FMN1: variants seen among roughly 807,000 people sequenced by gnomAD.
FMN1 encodes the protein formin-1.
In FMN1, 110 loss-of-function variants were observed where a neutral mutation model predicts 132.4. The ratio of observed to expected loss-of-function variants is 0.83; its 90% CI spans 0.71 to 0.97. FMN1 has a LOEUF of 0.97. Ranked by LOEUF, FMN1 falls within the 50% of genes least tolerant of loss-of-function variation. The pLI is 0.00. For missense variants in FMN1, 1,792 were observed against 1,705.3 expected, an observed-to-expected ratio of 1.05 and a Z score of -0.90; for synonymous variants, 722 against 651.7, an observed-to-expected ratio of 1.11 and a Z score of -1.64.
intron 6 of FMN1, among the ~76,000 whole-genome samples, chr15:33,047,777 C>T (rs1000019409): frequency 6.6e-6 from 1 of 152,126 alleles, no homozygotes; most frequent in African/African-American, 2.4e-5. Flanking sequence ...ATCTGTTTTG[C>T]CTTCCAGCTG....
At chr15:32,994,671 C>G (rs2033658973) in intron 7 of FMN1, among the ~76,000 whole-genome samples, 1 of 152,208 alleles carries the variant, frequency 6.6e-6, no homozygotes, top group South Asian at 2.1e-4. Context: ...AGGAAGCACT[C>G]AATCAATACA....
chr15:33,173,645 T>C (rs1308771280), intron 3 of FMN1, among the ~76,000 whole-genome samples: 4 of 152,248 alleles, frequency 2.6e-5, no homozygotes, highest in Non-Finnish European at 4.4e-5. Context: ...CTTCAGGAAA[T>C]AGGCCGGGCA....
chr15:33,111,228 AAAAT>A (rs1484182294), intron 4 of FMN1, among the ~76,000 whole-genome samples: 3 of 152,192 alleles, frequency 2.0e-5, no homozygotes, highest in African/African-American at 7.2e-5. Context: ...GTTAATTTAA[AAAAT>A]AAAAAAACTT....
At chr15:33,143,219 G>GTTAAAATA (rs1964078111) in intron 4 of FMN1, among the ~76,000 whole-genome samples, 1 of 152,060 alleles carries the variant, frequency 6.6e-6, no homozygotes, top group African/African-American at 2.4e-5. Context: ...ATAGTTTCAA[G>GTTAAAATA]GTTAGTTAAA....
At chr15:32,797,202 A>G (rs1432898364) in intron 19 of FMN1, among the ~76,000 whole-genome samples, 1 of 152,240 alleles carries the variant, frequency 6.6e-6, no homozygotes, top group Non-Finnish European at 1.5e-5. Context: ...CAGTTATTTC[A>G]ACAGAAGATC....
At chr15:32,914,559 G>A (rs563143999) in intron 10 of FMN1, among the ~76,000 whole-genome samples, 16 of 152,330 alleles carry the variant, frequency 1.1e-4, no homozygotes, top group African/African-American at 3.4e-4. Context: ...ACAGGAGAGA[G>A]CTGTTGAGCA....
chr15:33,191,598 A>T (rs1368793961), intron 2 of FMN1, among the ~76,000 whole-genome samples: 1 of 152,242 alleles, frequency 6.6e-6, no homozygotes, highest in African/African-American at 2.4e-5. Context: ...ACTTTTAGCC[A>T]GGGAACTTGA....
chr15:33,066,797 G>C (rs2141255186), intron 5 of FMN1: 1 of 1,613,946 alleles, frequency 6.2e-7, no homozygotes, highest in East Asian at 2.2e-5. Context: ...GGGCGACTCA[G>C]GGTCTGCTCC....
chr15:33,059,712 T>G (rs1343551907), intron 6 of FMN1, among the ~76,000 whole-genome samples: 2 of 152,052 alleles, frequency 1.3e-5, no homozygotes, highest in Non-Finnish European at 2.9e-5. Flanking sequence ...CAGCAATTCA[T>G]AATCTCACTA....
chr15:33,059,333 G>A (rs1446390380), intron 6 of FMN1, among the ~76,000 whole-genome samples: 1 of 152,120 alleles, frequency 6.6e-6, no homozygotes, highest in African/African-American at 2.4e-5. Flanking sequence ...CTTGGCTATT[G>A]TGAATAGTTC....
intron 17 of FMN1, among the ~76,000 whole-genome samples, chr15:32,826,503 A>C (rs2058370757): frequency 6.6e-6 from 1 of 152,238 alleles, no homozygotes. Flanking sequence ...AATTAAAGGA[A>C]GATTTAGTGA....
At chr15:33,004,287 C>T (rs1180053592) in intron 7 of FMN1, among the ~76,000 whole-genome samples, 1 of 152,088 alleles carries the variant, frequency 6.6e-6, no homozygotes, top group Non-Finnish European at 1.5e-5. Flanking sequence ...TTTTTGCAAC[C>T]TACTCATCTG....
At chr15:33,036,386 A>AT (rs2141095114) in intron 6 of FMN1, among the ~76,000 whole-genome samples, 2 of 152,348 alleles carry the variant, frequency 1.3e-5, no homozygotes, top group East Asian at 3.9e-4. Context: ...TAGGAATACC[A>AT]TGCTATAAGG....
intron 4 of FMN1, among the ~76,000 whole-genome samples, chr15:33,128,948 G>A (rs1037875048): frequency 3.3e-5 from 5 of 152,192 alleles, no homozygotes; most frequent in Non-Finnish European, 5.9e-5. Context: ...AGTGCTGATT[G>A]GTCCATTTTA....
At chr15:32,812,401 C>T (rs886244453) in intron 17 of FMN1, among the ~76,000 whole-genome samples, 1 of 152,170 alleles carries the variant, frequency 6.6e-6, no homozygotes, top group Admixed American at 6.5e-5. Flanking sequence ...CAATTTTTGT[C>T]CCCCACATTT....
At chr15:32,997,156 G>A (rs994397098) in intron 7 of FMN1, among the ~76,000 whole-genome samples, 15 of 152,100 alleles carry the variant, frequency 9.9e-5, no homozygotes, top group Admixed American at 7.2e-4. Flanking sequence ...CTCAAACTGG[G>A]CTCAGGACCA....
intron 7 of FMN1, among the ~76,000 whole-genome samples, chr15:32,993,298 T>A (rs1457979044): frequency 6.6e-6 from 1 of 152,246 alleles, no homozygotes; most frequent in East Asian, 1.9e-4. Context: ...ATAAACTTCA[T>A]TTAGCAAATT....
chr15:33,035,274 AT>A (rs1238875238), intron 6 of FMN1, among the ~76,000 whole-genome samples: 1 of 152,210 alleles, frequency 6.6e-6, no homozygotes, highest in Non-Finnish European at 1.5e-5. Flanking sequence ...GTGATTTCCT[AT>A]TGCTGACAAA....
intron 9 of FMN1, among the ~76,000 whole-genome samples, chr15:32,960,868 G>A (rs1383363534): frequency 4.0e-5 from 6 of 151,702 alleles, no homozygotes; most frequent in Non-Finnish European, 8.8e-5. Flanking sequence ...GGTGGTGCAT[G>A]CCTGTAATCC....
Sources: gnomAD v4.1 joint callset for allele counts (sites outside exome capture counted in the v4.1 genomes callset) on GRCh38, gnomAD v4.1.1 for gene constraint, MANE v1.5 for transcripts, NCBI Gene and HGNC (gene_info 2026-07-23, HGNC 2026-07-21) for gene names.